The following TTC6 variants were observed in gnomAD, a reference collection of about 807,000 sequenced individuals.
TTC6 encodes tetratricopeptide repeat domain 6, also known as tetratricopeptide repeat protein 6.
Under a neutral mutation model 210.4 loss-of-function variants are expected in TTC6, and 172 were observed. The ratio of observed to expected loss-of-function variants is 0.82; its 90% CI spans 0.72 to 0.93. The LOEUF (loss-of-function observed/expected upper bound fraction) is 0.93. Among genes scored for constraint, TTC6 ranks in the 40% least tolerant of loss-of-function variants. TTC6 has a pLI of 0.00. For synonymous variants in TTC6, 804 were observed against 819.6 expected, an observed-to-expected ratio of 0.98 and a Z score of 0.32; for missense variants, 2,414 against 2,318.1, an observed-to-expected ratio of 1.04 and a Z score of -0.85.
At chr14:37,815,192 A>C (rs1595304529) in intron 25 of TTC6, among the ~76,000 whole-genome samples, 1 of 152,210 alleles carries the variant, frequency 6.6e-6, no homozygotes, top group South Asian at 2.1e-4. Flanking sequence ...AAACTTAAAT[A>C]TAAATGGGTA....
At chr14:37,675,307 A>G (rs551905861) in intron 1 of TTC6, among the ~76,000 whole-genome samples, 2 of 152,252 alleles carry the variant, frequency 1.3e-5, no homozygotes, top group Admixed American at 6.5e-5. Context: ...TGTTTCATAT[A>G]AATGGAATCA....
At chr14:37,732,307 C>T (rs1030793653) in intron 7 of TTC6, among the ~76,000 whole-genome samples, 2 of 148,766 alleles carry the variant, frequency 1.3e-5, no homozygotes, top group African/African-American at 5.0e-5. Context: ...CTCAGCCTCC[C>T]GAGTAGCTGG....
intron 5 of TTC6, among the ~76,000 whole-genome samples, chr14:37,709,555 A>G (rs1374035574): frequency 6.6e-6 from 1 of 150,410 alleles, no homozygotes; most frequent in African/African-American, 2.5e-5. Flanking sequence ...TTTGTCTGTT[A>G]CCATAACTGC....
At chr14:37,841,472 A>C (rs758411901) in exon 30 of TTC6, 1 of 1,590,054 alleles carries the variant, frequency 6.3e-7, no homozygotes, top group Admixed American at 1.9e-5. Context: ...AAAAGCTTTA[A>C]AATTTGATCC....
At chr14:37,688,908 CAG>C (rs1219961249) in intron 3 of TTC6, among the ~76,000 whole-genome samples, 1 of 152,080 alleles carries the variant, frequency 6.6e-6, no homozygotes, top group African/African-American at 2.4e-5. Context: ...AAGACACAGA[CAG>C]ATATCTACAA....
At chr14:37,787,744 T>C in intron 15 of TTC6, 107 bp downstream of exon 17, 1 of 747,606 alleles carries the variant, frequency 1.3e-6, no homozygotes, top group Non-Finnish European at 1.9e-6. Context: ...ATATGTATAC[T>C]ACTATATACT....
At chr14:37,752,126 G>C (rs970980731) in intron 13 of TTC6, among the ~76,000 whole-genome samples, 2 of 151,868 alleles carry the variant, frequency 1.3e-5, no homozygotes, top group Non-Finnish European at 2.9e-5. Flanking sequence ...TGCCCGGCCA[G>C]GAAATGAACT....
intron 14 of TTC6, among the ~76,000 whole-genome samples, chr14:37,755,359 C>T (rs1436964169): frequency 6.6e-6 from 1 of 152,148 alleles, no homozygotes; most frequent in African/African-American, 2.4e-5. Context: ...GTTTCATTTG[C>T]TGCACAGAAG....
chr14:37,785,658 G>A (rs559047027), intron 14 of TTC6, among the ~76,000 whole-genome samples: 8 of 152,240 alleles, frequency 5.3e-5, no homozygotes, highest in African/African-American at 1.7e-4. Flanking sequence ...GCTTTGTTCC[G>A]TTGCTGGCGA....
intron 21 of TTC6, among the ~76,000 whole-genome samples, chr14:37,805,508 C>T (rs2096116491): frequency 6.6e-6 from 1 of 151,362 alleles, no homozygotes; most frequent in Non-Finnish European, 1.5e-5. Context: ...TTGTTTTAAA[C>T]TGGTATTGGT....
intron 1 of TTC6, among the ~76,000 whole-genome samples, chr14:37,628,949 C>T (rs1455716335): frequency 6.6e-6 from 1 of 152,110 alleles, no homozygotes; most frequent in African/African-American, 2.4e-5. Flanking sequence ...GGCCTCTGTT[C>T]TGTTCCATTG....
intron 3 of TTC6, among the ~76,000 whole-genome samples, chr14:37,687,600 G>C (rs2095796376): frequency 1.3e-5 from 2 of 152,112 alleles, no homozygotes; most frequent in Non-Finnish European, 2.9e-5. Flanking sequence ...AGAGGAGATG[G>C]AAGAGTGGGG....
At chr14:37,740,700 A>G (rs2095916382) in intron 10 of TTC6, among the ~76,000 whole-genome samples, 1 of 152,222 alleles carries the variant, frequency 6.6e-6, no homozygotes, top group South Asian at 2.1e-4. Context: ...TCTGCAACAA[A>G]TACAGTATCT....
At chr14:37,795,446 C>A in intron 18 of TTC6, 94 bp downstream of exon 20, 1 of 722,506 alleles carries the variant, frequency 1.4e-6, no homozygotes, top group Non-Finnish European at 2.0e-6. Flanking sequence ...TTTCAGGCTC[C>A]CCATTTTACA....
intron 3 of TTC6, among the ~76,000 whole-genome samples, chr14:37,694,924 C>G (rs1217990576): frequency 6.6e-6 from 1 of 151,564 alleles, no homozygotes; most frequent in Non-Finnish European, 1.5e-5. Flanking sequence ...GCCTGTAGCC[C>G]CAGTTACTTG....
intron 14 of TTC6, among the ~76,000 whole-genome samples, chr14:37,755,672 G>A (rs1212918234): frequency 1.3e-5 from 2 of 151,688 alleles, no homozygotes; most frequent in East Asian, 1.9e-4. Flanking sequence ...TATATGTGTG[G>A]TGTTATTTCT....
chr14:37,603,801 T>TG (rs2095620184), intron 1 of TTC6, among the ~76,000 whole-genome samples: 1 of 152,332 alleles, frequency 6.6e-6, no homozygotes, highest in Middle Eastern at 3.4e-3. Context: ...TGGGGGCGTA[T>TG]TCCATGCAAT....
intron 7 of TTC6, among the ~76,000 whole-genome samples, chr14:37,731,414 T>C (rs920267466): frequency 2.6e-5 from 4 of 152,046 alleles, no homozygotes; most frequent in African/African-American, 9.7e-5. Context: ...AGCACAAAAA[T>C]ATGAAAAACA....
In TTC6 at chr14:37,792,427, C is replaced by A; in HGVS notation, c.3708+13C>A. The A allele has an allele frequency of 6.9e-7, 1 of 1,448,894 alleles. No homozygotes were observed. The highest frequency in any genetic ancestry group is 9.0e-7 in the Non-Finnish European group (1 of 1,109,144). 89.8% of individuals were successfully genotyped at this position (1,448,894 alleles called of 1,614,324 possible). A position where few individuals can be genotyped will look rare whatever the true frequency, so the allele number is the denominator to read the frequency against. On this transcript the variant is annotated intron_variant, in intron 17 of 30. Coordinates refer to ENST00000553443, the Ensembl canonical transcript of TTC6. ...AACCTATTTTAAGGTATTTAAGGCTCGAGAACCTTGATTTTTTTAAAAAAA... is the reference window on the plus strand; with the variant it reads ...AACCTATTTTAAGGTATTTAAGGCTAGAGAACCTTGATTTTTTTAAAAAAA...
Sources: allele counts gnomAD v4.1 joint callset (sites outside exome capture counted in the v4.1 genomes callset), GRCh38; gene constraint gnomAD v4.1.1; transcripts MANE v1.5; gene names NCBI Gene and HGNC (gene_info 2026-07-23, HGNC 2026-07-21).